PKP4: variants seen among roughly 807,000 people sequenced by gnomAD.
PKP4 encodes plakophilin-4.
PKP4 carries 90 observed loss-of-function variants against 145.1 expected under a neutral mutation model. The ratio of observed to expected loss-of-function variants is 0.62; its 90% CI spans 0.52 to 0.74. The LOEUF (loss-of-function observed/expected upper bound fraction) is 0.74, where lower values mean the gene tolerates loss of function less well. Ranked by LOEUF, PKP4 falls within the 30% of genes least tolerant of loss-of-function variation. The probability of loss-of-function intolerance (pLI) is 0.00; values close to 1 mark genes in which losing one functional copy is unlikely to be tolerated. For missense variants in PKP4, 1,340 were observed against 1,482.7 expected, an observed-to-expected ratio of 0.90 and a Z score of 1.58; for synonymous variants, 563 against 577.2, an observed-to-expected ratio of 0.98 and a Z score of 0.35.
intron 4 of PKP4, among the ~76,000 whole-genome samples, chr2:158,609,343 T>C (rs1193532707): frequency 1.3e-5 from 2 of 152,104 alleles, no homozygotes; most frequent in Admixed American, 6.6e-5. Context: ...ATTTGAAAAA[T>C]ATTTAAAAGA....
In PKP4 at chr2:158,680,800, G is replaced by GTTTT; in HGVS notation, c.*130_*133dup. 1 of 805,694 alleles carries GTTTT rather than the reference G, an allele frequency of 1.2e-6. No individual in the cohort carries two copies. The highest frequency in any genetic ancestry group is 1.9e-6 in the Non-Finnish European group (1 of 528,552). 49.9% of individuals were successfully genotyped at this position (805,694 alleles called of 1,614,324 possible). On this transcript the variant is annotated 3_prime_UTR_variant, in exon 22 of 22. Coordinates refer to ENST00000389759, the MANE Select transcript of PKP4 (RefSeq NM_003628.6). ...GAAGTGGAAGGAATGAATGAAGTGT[G>GTTTT]TTTTTTTTTTCTTTTTTGAGGAATT...
intron 2 of PKP4, among the ~76,000 whole-genome samples, chr2:158,543,274 T>G (rs1248126330): frequency 1.3e-5 from 2 of 152,214 alleles, no homozygotes; most frequent in Non-Finnish European, 1.5e-5. Flanking sequence ...TTAGGAATGC[T>G]CAACAGGTAT....
intron 1 of PKP4, among the ~76,000 whole-genome samples, chr2:158,488,989 T>TA (rs1326414141): frequency 2.6e-5 from 4 of 152,212 alleles, no homozygotes; most frequent in African/African-American, 9.6e-5. Flanking sequence ...GGGAAGGCAT[T>TA]ACATCTTTCA....
At chr2:158,540,579 C>T (rs1018564385) in intron 2 of PKP4, among the ~76,000 whole-genome samples, 1 of 152,024 alleles carries the variant, frequency 6.6e-6, no homozygotes, top group African/African-American at 2.4e-5. Flanking sequence ...ATTTATACTT[C>T]AATATAGAGT....
At chr2:158,645,584 TGAGA>T (rs947183305) in intron 11 of PKP4, among the ~76,000 whole-genome samples, 1 of 152,214 alleles carries the variant, frequency 6.6e-6, no homozygotes, top group African/African-American at 2.4e-5. Context: ...CGCTACTCCC[TGAGA>T]GAGCAGTGGC....
chr2:158,638,705 G>C (rs2054018066), intron 9 of PKP4, among the ~76,000 whole-genome samples: 1 of 152,106 alleles, frequency 6.6e-6, no homozygotes, highest in Non-Finnish European at 1.5e-5. Context: ...GACTCTTCTG[G>C]GCAAAATGGA....
chr2:158,568,919 G>C (rs186183958), intron 2 of PKP4, among the ~76,000 whole-genome samples: 1 of 152,228 alleles, frequency 6.6e-6, no homozygotes, highest in Admixed American at 6.5e-5. Flanking sequence ...GTTGCAGTGA[G>C]CCAAGATCAT....
In PKP4 at chr2:158,662,983, C is replaced by T. The variant is rs367716019; in HGVS notation, c.2298C>T (p.Asn766=). The change falls in exon 14 of 22, where the codon AAC becomes AAT. Residue 766 remains asparagine (N), a synonymous_variant. Transcript: ENST00000389759. The part of the protein sequence containing the change: ...EVPQARLLGL[N]ELDDLLGKES... ...CCCAGGCCCGGTTACTGGGACTGAA[C>T]GAATTGGATGACTTACTAGGAAAAG... The T allele has an allele frequency of 8.3e-5, 134 of 1,613,598 alleles. 2 individuals are homozygous for T. Among genetic ancestry groups the T allele is most frequent in the South Asian group, 7.1e-4 (65 of 91,046 alleles).
chr2:158,676,909 C>T, intron 20 of PKP4, 42 bp downstream of exon 20: 1 of 1,613,366 alleles, frequency 6.2e-7, no homozygotes, highest in East Asian at 2.2e-5. Flanking sequence ...TCTTGAAAAG[C>T]CGCATTTCCA....
chr2:158,521,394 A>G (rs1038126911), intron 1 of PKP4, among the ~76,000 whole-genome samples: 2 of 152,178 alleles, frequency 1.3e-5, no homozygotes, highest in African/African-American at 4.8e-5. Flanking sequence ...TTTTTTTACC[A>G]GATTATCTTG....
At chr2:158,529,790 G>A (rs2043351929) in intron 1 of PKP4, among the ~76,000 whole-genome samples, 1 of 152,072 alleles carries the variant, frequency 6.6e-6, no homozygotes, top group Admixed American at 6.5e-5. Flanking sequence ...GTTGTTTTTA[G>A]TCTCATTAGA....
intron 19 of PKP4, 130 bp downstream of exon 19, chr2:158,674,130 T>C (rs1239861202): frequency 1.4e-6 from 1 of 733,106 alleles, no homozygotes; most frequent in African/African-American, 1.7e-5. Context: ...CAGAGAACCT[T>C]CTGTAGGAAT....
At chr2:158,599,040 G>A (rs2050009833) in intron 3 of PKP4, among the ~76,000 whole-genome samples, 1 of 152,196 alleles carries the variant, frequency 6.6e-6, no homozygotes, top group African/African-American at 2.4e-5. Context: ...GGGCACACTA[G>A]GAGGAGCCAG....
intron 17 of PKP4, 114 bp from the exon 18 acceptor site, chr2:158,673,563 C>T (rs2057750100): frequency 1.3e-6 from 1 of 768,390 alleles, no homozygotes; most frequent in Admixed American, 1.9e-5. Context: ...TAGCCTCCAT[C>T]CCTGTGGCCC....
chr2:158,496,626 A>C (rs1695752131), intron 1 of PKP4, among the ~76,000 whole-genome samples: 1 of 152,176 alleles, frequency 6.6e-6, no homozygotes, highest in African/African-American at 2.4e-5. Flanking sequence ...TTGTCTCTCC[A>C]GAATTCAGCC....
chr2:158,612,864 C>G (rs1386470329), intron 4 of PKP4, among the ~76,000 whole-genome samples: 1 of 152,154 alleles, frequency 6.6e-6, no homozygotes, highest in Non-Finnish European at 1.5e-5. Context: ...GATTGGAGAT[C>G]AGCATGACCT....
At chr2:158,623,208 G>A (rs2052421310) in intron 6 of PKP4, among the ~76,000 whole-genome samples, 1 of 152,042 alleles carries the variant, frequency 6.6e-6, no homozygotes, top group African/African-American at 2.4e-5. Context: ...GTCTCACTCT[G>A]TCACCCAGGC....
chr2:158,613,368 G>C (rs1048837608), intron 4 of PKP4, among the ~76,000 whole-genome samples: 6 of 152,108 alleles, frequency 3.9e-5, no homozygotes, highest in African/African-American at 1.4e-4. Context: ...GATAAATGTA[G>C]AAAGAATAAC....
Position 158,663,056 on chromosome 2 carries a change from A to C in PKP4, c.2371A>C (p.Lys791Gln), listed in dbSNP as rs1289110398. 18 of 1,611,564 alleles carry C rather than the reference A, an allele frequency of 1.1e-5. No homozygotes were observed. Among genetic ancestry groups the C allele is most frequent in the Non-Finnish European group, 1.4e-5 (17 of 1,179,372 alleles). ...GCCAAGTTGCTGGGGGAAGAAGAAG[A>C]AAAAGAAAAAGAGGACTCCGCAAGA... ...SEPSCWGKKK[K>Q]KKKRTPQEDQ... The change falls in exon 14 of 22, where the codon AAA (lysine) becomes CAA (glutamine). Residue 791 changes from lysine to glutamine, a missense_variant. Lys to Gln is a moderately conservative substitution (Grantham distance 53). Transcript: ENST00000389759.
Sources: gnomAD v4.1 joint callset for allele counts (sites outside exome capture counted in the v4.1 genomes callset) on GRCh38, gnomAD v4.1.1 for gene constraint, MANE v1.5 for transcripts, NCBI Gene and HGNC (gene_info 2026-07-23, HGNC 2026-07-21) for gene names.